The following AP2A2 variants were observed in gnomAD, a reference collection of about 807,000 sequenced individuals.
AP2A2 encodes AP-2 complex subunit alpha-2.
Under a neutral mutation model 104.2 loss-of-function variants are expected in AP2A2, and 32 were observed. The observed-to-expected ratio is 0.31, with a 90% CI of 0.23 to 0.41. AP2A2 has a LOEUF of 0.41. Among genes scored for constraint, AP2A2 ranks in the 10% least tolerant of loss-of-function variants. The pLI is 1.00. For synonymous variants in AP2A2, 539 were observed against 533.3 expected (o/e 1.01, Z -0.15); for missense variants, 912 against 1,261.0 (o/e 0.72, Z 4.19).
rs531217743 is a variant in AP2A2 at position 942,438 on chromosome 11, T to C, written c.67+16350T>C. The C allele has an allele frequency of 2.0e-5, 3 of 152,338 alleles. No homozygotes were observed. The East Asian group carries it at 5.8e-4, about 29-fold the overall frequency. 9.4% of individuals were successfully genotyped at this position (152,338 alleles called of 1,614,324 possible). A position where few individuals can be genotyped will look rare whatever the true frequency, so the allele number is the denominator to read the frequency against. On this transcript the variant is annotated intron_variant, in intron 1 of 21. Coordinates refer to ENST00000448903, the MANE Select transcript of AP2A2 (RefSeq NM_012305.4). Reference sequence around the variant, plus strand: ...TACGTATGGGATTAGTCTGTAGTGCTCTGAAACCTAGAAATCAAAGGAAAG... The same window carrying C: ...TACGTATGGGATTAGTCTGTAGTGCCCTGAAACCTAGAAATCAAAGGAAAG...
chr11:994,413 G>A (rs1056794489), intron 14 of AP2A2, among the ~76,000 whole-genome samples, 168 bp downstream of exon 14: 2 of 149,704 alleles, frequency 1.3e-5, no homozygotes, highest in East Asian at 4.0e-4. Flanking sequence ...GTCCCTGCTG[G>A]ACACGCTGCT....
At chr11:950,224 C>T (rs1265564513) in intron 1 of AP2A2, among the ~76,000 whole-genome samples, 1 of 151,862 alleles carries the variant, frequency 6.6e-6, no homozygotes, top group East Asian at 1.9e-4. Context: ...GAAATAACTC[C>T]ATGGATCATA....
Position 1,009,516 on chromosome 11 carries a change from C to T in AP2A2, c.2607+119C>T, listed in dbSNP as rs1026438696. 2.1e-5 allele frequency: 28 copies of T among 1,329,378 alleles called. No homozygotes were observed. In the African/African-American group the frequency reaches 2.7e-4, roughly 13 times the overall value. 82.3% of individuals were successfully genotyped at this position (1,329,378 alleles called of 1,614,324 possible). On this transcript the variant is annotated intron_variant, in intron 20 of 21. Transcript: ENST00000448903. ...GACCCCGCGCCAGGGTCTGGAGGGACGGCCCCGGGGGACACGCAGCCCGCG... is the reference window on the plus strand; with the variant it reads ...GACCCCGCGCCAGGGTCTGGAGGGATGGCCCCGGGGGACACGCAGCCCGCG...
chr11:985,610 C>G, intron 8 of AP2A2, 28 bp downstream of exon 8: 1 of 1,613,202 alleles, frequency 6.2e-7, no homozygotes. Flanking sequence ...GGAGAGGCTT[C>G]GTCTCGCGCA....
At chr11:969,133 G>A (rs954454281) in intron 2 of AP2A2, among the ~76,000 whole-genome samples, 1 of 150,658 alleles carries the variant, frequency 6.6e-6, no homozygotes, top group Non-Finnish European at 1.5e-5. Context: ...TTTCTCGCTC[G>A]CCTCCACAGC....
rs1307858866 is a variant in AP2A2, at chr11:1,011,234, C to T, written c.*609C>T. ...GTCCTGGCCGGATGTAACTGTTCTC[C>T]TTTCCCAGCTCCTGTTTGTGAAGGG... On this transcript the variant is annotated 3_prime_UTR_variant, in exon 22 of 22. Transcript: ENST00000448903. 9.6e-6 allele frequency: 5 copies of T among 519,364 alleles called. No homozygotes were observed. Among genetic ancestry groups the T allele is most frequent in the African/African-American group, 9.6e-5 (5 of 52,014 alleles). The allele number at this position is 519,364 out of a possible 1,614,324, so 32.2% of individuals were successfully genotyped here.
At chr11:1,000,255 G>A (rs893009260) in intron 14 of AP2A2, among the ~76,000 whole-genome samples, 177 bp from the exon 15 acceptor site, 5 of 152,234 alleles carry the variant, frequency 3.3e-5, no homozygotes, top group Admixed American at 2.6e-4. Flanking sequence ...TACTCAGGAA[G>A]TGGCTGTTAG....
chr11:986,841 G>A lies in AP2A2; in HGVS notation c.1019G>A (p.Arg340His), dbSNP rs1201325688. The A allele has an allele frequency of 1.9e-6, 3 of 1,612,874 alleles. No individual in the cohort carries two copies. Among genetic ancestry groups the A allele is most frequent in the Non-Finnish European group, 2.5e-6 (3 of 1,179,652 alleles). Residue 340 changes from arginine (R) to histidine (H), a missense_variant, in exon 9 of 22, where the codon CGC (arginine) becomes CAC (histidine). Transcript: ENST00000448903. ...CNQLGQFLQH[R>H]ETNLRYLALE... Reference sequence around the variant, plus strand: ...CAGTTGGGCCAGTTTCTGCAGCACCGCGAGACCAACCTGCGCTACCTGGCC... The same window carrying A: ...CAGTTGGGCCAGTTTCTGCAGCACCACGAGACCAACCTGCGCTACCTGGCC...
At chr11:935,900 CTTT>C (rs745486621) in intron 1 of AP2A2, among the ~76,000 whole-genome samples, 4 of 119,468 alleles carry the variant, frequency 3.3e-5, no homozygotes, top group Admixed American at 8.6e-5. Context: ...CGGCCTATTC[CTTT>C]TTTTTTTTTT....
At position 993,446 on chromosome 11, in the gene AP2A2, A is replaced by AT; in HGVS notation, c.1550+65_1550+66insT. 1 of 1,193,836 alleles carries AT rather than the reference A, an allele frequency of 8.4e-7. No homozygotes were observed. The allele number at this position is 1,193,836 out of a possible 1,614,324, so 74.0% of individuals were successfully genotyped here. On this transcript the variant is annotated intron_variant, in intron 12 of 21. Coordinates refer to ENST00000448903, the MANE Select transcript of AP2A2 (RefSeq NM_012305.4). The surrounding 1 kb of genome is among the most constrained non-coding windows in gnomAD (Gnocchi z 8.2). ...GCGGGCCTCTCGGTGGTCGGTGGCA[A>AT]GAGGCGAGGCACCAGCTGGCCCTGC...
At chr11:983,576 G>C (rs974271596) in intron 6 of AP2A2, among the ~76,000 whole-genome samples, 1 of 151,716 alleles carries the variant, frequency 6.6e-6, no homozygotes, top group East Asian at 1.9e-4. Context: ...GTAGAGATGG[G>C]GTTTCACTGT....
chr11:976,861 G>A (rs992737333), intron 4 of AP2A2, among the ~76,000 whole-genome samples: 6 of 152,220 alleles, frequency 3.9e-5, no homozygotes, highest in Non-Finnish European at 7.3e-5. Flanking sequence ...GCATGTGGTC[G>A]GCTGGTGGTT....
chr11:952,999 A>G (rs751062233), intron 1 of AP2A2, among the ~76,000 whole-genome samples: 1 of 152,178 alleles, frequency 6.6e-6, no homozygotes, highest in Non-Finnish European at 1.5e-5. Context: ...TGGAGGGCTC[A>G]GATTGTTACC....
chr11:964,012 C>T (rs1264361781), intron 2 of AP2A2, among the ~76,000 whole-genome samples: 1 of 152,214 alleles, frequency 6.6e-6, no homozygotes, highest in African/African-American at 2.4e-5. Flanking sequence ...ACAGAGGCGT[C>T]AGCCAGGATG....
At chr11:1,001,976 A>C (rs1856043342) in intron 15 of AP2A2, among the ~76,000 whole-genome samples, 1 of 152,138 alleles carries the variant, frequency 6.6e-6, no homozygotes, top group Non-Finnish European at 1.5e-5. Flanking sequence ...AGAGTGCCTC[A>C]GGGCGAGCCG....
chr11:1,009,249 T>TG (rs760767210), intron 19 of AP2A2, 33 bp downstream of exon 19: 1 of 1,609,564 alleles, frequency 6.2e-7, no homozygotes, highest in Non-Finnish European at 8.5e-7. Context: ...GGGTCAGGGG[T>TG]GGGGACGGGG....
At chr11:963,404 C>T (rs183956271) in intron 2 of AP2A2, among the ~76,000 whole-genome samples, 5 of 151,040 alleles carry the variant, frequency 3.3e-5, no homozygotes, top group East Asian at 3.9e-4. Context: ...ACAGCCTGGG[C>T]GACAGAGTGA....
At position 968,608 on chromosome 11, in the gene AP2A2, C is replaced by T. The variant is rs1854706257; in HGVS notation, c.137-1561C>T. Among the ~76,000 whole-genome samples, 1 of 152,104 alleles carries T rather than the reference C, an allele frequency of 6.6e-6. No homozygotes were observed. The highest frequency in any genetic ancestry group is 2.4e-5 in the African/African-American group (1 of 41,438). ...TATTTTTGGCTGTGGTTGTCCAAGGCGGCTTCCAGCGGGTGATGGAATCTG... is the reference window on the plus strand; with the variant it reads ...TATTTTTGGCTGTGGTTGTCCAAGGTGGCTTCCAGCGGGTGATGGAATCTG... On this transcript the variant is annotated intron_variant, in intron 2 of 21. Coordinates refer to ENST00000448903, the MANE Select transcript of AP2A2 (RefSeq NM_012305.4). This position sits in a 1 kb window ranked among gnomAD's most constrained non-coding sequence, Gnocchi z 4.2.
intron 20 of AP2A2, 69 bp from the exon 21 acceptor site, chr11:1,009,614 G>T (rs1422727329): frequency 8.5e-7 from 1 of 1,176,858 alleles, no homozygotes. Context: ...GGTCTGGAGG[G>T]GCGGCCCCGG....
Sources: allele counts gnomAD v4.1 joint callset (sites outside exome capture counted in the v4.1 genomes callset), GRCh38; gene constraint gnomAD v4.1.1; non-coding constraint Gnocchi (gnomAD v3.1); transcripts MANE v1.5; gene names NCBI Gene and HGNC (gene_info 2026-07-23, HGNC 2026-07-21).